Variants in PARD3 observed in about 807,000 individuals in gnomAD.
PARD3 encodes the protein partitioning defective 3 homolog.
A neutral mutation model predicts 155.4 loss-of-function variants in PARD3; 75 were observed. The ratio of observed to expected loss-of-function variants is 0.48; its 90% CI spans 0.40 to 0.58. The LOEUF is 0.58. PARD3 is among the 20% of genes least tolerant of loss of function. The probability of loss-of-function intolerance (pLI) is 0.00; values close to 1 mark genes in which losing one functional copy is unlikely to be tolerated. For missense variants in PARD3, 1,642 were observed against 1,721.7 expected, an observed-to-expected ratio of 0.95 and a Z score of 0.82; for synonymous variants, 576 against 610.5, an observed-to-expected ratio of 0.94 and a Z score of 0.83.
chr10:34,227,884 ACT>A (rs1327207904), intron 22 of PARD3, among the ~76,000 whole-genome samples: 2 of 124,958 alleles, frequency 1.6e-5, no homozygotes, highest in Non-Finnish European at 1.7e-5. Flanking sequence ...ATATATATAT[ACT>A]GGGAATATAT....
chr10:34,661,705 A>G (rs551385916), intron 2 of PARD3, among the ~76,000 whole-genome samples: 1 of 152,352 alleles, frequency 6.6e-6, no homozygotes, highest in Non-Finnish European at 1.5e-5. Flanking sequence ...GCCTTCATCC[A>G]GATTCAATGG....
At chr10:34,174,651 A>G (rs12761772) in intron 22 of PARD3, among the ~76,000 whole-genome samples, 1 of 152,188 alleles carries the variant, frequency 6.6e-6, no homozygotes, top group Non-Finnish European at 1.5e-5. Flanking sequence ...CTTGGGTTCT[A>G]TCCAGAAGAT....
At chr10:34,590,856 G>A (rs112688561) in intron 2 of PARD3, among the ~76,000 whole-genome samples, 3,364 of 152,254 alleles carry the variant, frequency 0.022, 130 homozygotes, top group African/African-American at 0.077. Flanking sequence ...ACAAGCAGCT[G>A]CATGAGACAG....
intron 20 of PARD3, among the ~76,000 whole-genome samples, chr10:34,298,585 G>A (rs564342418): frequency 1.3e-5 from 2 of 152,242 alleles, no homozygotes; most frequent in East Asian, 1.9e-4. Context: ...TTCCAGGGAC[G>A]GGGGAAGAGG....
intron 3 of PARD3, among the ~76,000 whole-genome samples, chr10:34,514,069 C>G (rs976826028): frequency 3.9e-5 from 6 of 152,166 alleles, no homozygotes; most frequent in African/African-American, 1.4e-4. Flanking sequence ...AGAATTCCAT[C>G]TATGAAAACC....
chr10:34,198,791 A>G (rs1340916442), intron 22 of PARD3, among the ~76,000 whole-genome samples: 1 of 152,094 alleles, frequency 6.6e-6, no homozygotes, highest in African/African-American at 2.4e-5. Context: ...ACAGAGGGAA[A>G]GTCAAACAGT....
At chr10:34,427,906 C>T (rs1335383147) in intron 5 of PARD3, among the ~76,000 whole-genome samples, 5 of 152,110 alleles carry the variant, frequency 3.3e-5, no homozygotes, top group African/African-American at 1.2e-4. Context: ...ATAGCACAGA[C>T]ACAAAGACAC....
In PARD3 at chr10:34,370,808, GT is replaced by G. The variant is rs1193307411; in HGVS notation, c.1707+1689del. ...ATTTCATGGTACAGATACAAATGGG[GT>G]GTGTGTGTGTGTGTGTGTGTGTGTG... On this transcript the variant is annotated intron_variant, in intron 12 of 24. Coordinates refer to ENST00000374788, the MANE Select transcript of PARD3 (RefSeq NM_001184785.2). Among the ~76,000 whole-genome samples, 74 of 5,776 alleles carry G rather than the reference GT, an allele frequency of 0.013. 1 individual carries two copies. The East Asian group carries it at 0.19, about 15-fold the overall frequency. 3.8% of individuals were successfully genotyped at this position (5,776 alleles called of 152,430 possible).
chr10:34,263,289 G>A (rs1369958564), intron 22 of PARD3, among the ~76,000 whole-genome samples: 3 of 152,166 alleles, frequency 2.0e-5, no homozygotes, highest in African/African-American at 7.2e-5. Flanking sequence ...CAAACCTAAT[G>A]AGGCAAGTAC....
intron 2 of PARD3, among the ~76,000 whole-genome samples, chr10:34,601,460 T>C (rs2089775924): frequency 1.3e-5 from 2 of 152,112 alleles, no homozygotes; most frequent in South Asian, 4.1e-4. Flanking sequence ...CATGAATAAA[T>C]AAGTAAATAA....
At chr10:34,290,389 C>G (rs767125269) in intron 20 of PARD3, among the ~76,000 whole-genome samples, 18 of 152,180 alleles carry the variant, frequency 1.2e-4, no homozygotes, top group Admixed American at 3.9e-4. Flanking sequence ...ACCTAGAAAT[C>G]TGTTATTTCT....
At chr10:34,800,528 T>G (rs905893549) in intron 1 of PARD3, among the ~76,000 whole-genome samples, 21 of 151,820 alleles carry the variant, frequency 1.4e-4, no homozygotes, top group African/African-American at 5.1e-4. Flanking sequence ...GGAGAATTGC[T>G]TGAACCCGGG....
intron 21 of PARD3, among the ~76,000 whole-genome samples, chr10:34,275,265 C>T (rs1955821015): frequency 6.6e-6 from 1 of 152,140 alleles, no homozygotes. Context: ...AGTTCTAAAA[C>T]CTGCATCACT....
intron 19 of PARD3, among the ~76,000 whole-genome samples, chr10:34,323,910 A>T (rs1308054710): frequency 6.6e-6 from 1 of 152,240 alleles, no homozygotes; most frequent in African/African-American, 2.4e-5. Flanking sequence ...CCATGGGGAC[A>T]ATTTAAAATG....
intron 2 of PARD3, among the ~76,000 whole-genome samples, chr10:34,611,964 C>T (rs1348318174): frequency 8.2e-6 from 1 of 122,564 alleles, no homozygotes; most frequent in Admixed American, 9.6e-5. Context: ...GTAGCTGGGA[C>T]TACAGGCACC....
intron 1 of PARD3, among the ~76,000 whole-genome samples, chr10:34,740,635 A>G (rs2094992689): frequency 6.6e-6 from 1 of 151,968 alleles, no homozygotes. Context: ...TTTCACACCA[A>G]GCTGTTTTAA....
chr10:34,775,295 A>C (rs552758487), intron 1 of PARD3, among the ~76,000 whole-genome samples: 1 of 152,134 alleles, frequency 6.6e-6, no homozygotes. Context: ...AAGCAGGAGG[A>C]TCGCTTGAGG....
intron 1 of PARD3, among the ~76,000 whole-genome samples, chr10:34,730,466 A>AGATGATTTTT (rs2094796981): frequency 6.6e-6 from 1 of 152,206 alleles, no homozygotes; most frequent in Non-Finnish European, 1.5e-5. Context: ...ATTTTTAAAA[A>AGATGATTTTT]AACAAGATGA....
chr10:34,143,517 A>G (rs80328015), intron 22 of PARD3, among the ~76,000 whole-genome samples: 1,552 of 152,328 alleles, frequency 0.01, 24 homozygotes, highest in African/African-American at 0.035. Flanking sequence ...TTCAAGGCGA[A>G]CATTTTCTTT....
Sources: allele counts gnomAD v4.1 joint callset (sites outside exome capture counted in the v4.1 genomes callset), GRCh38; gene constraint gnomAD v4.1.1; transcripts MANE v1.5; gene names NCBI Gene and HGNC (gene_info 2026-07-23, HGNC 2026-07-21).